Variants in NRG1 observed in about 807,000 individuals in gnomAD.
NRG1 encodes the protein neuregulin 1.
In NRG1, 18 loss-of-function variants were observed where a neutral mutation model predicts 63.8. The ratio of observed to expected loss-of-function variants is 0.28; its 90% confidence interval spans 0.19 to 0.42. The LOEUF (loss-of-function observed/expected upper bound fraction) is 0.42, where lower values mean the gene tolerates loss of function less well. Among genes scored for constraint, NRG1 ranks in the 10% least tolerant of loss-of-function variants. NRG1 has a pLI of 1.00. For missense variants in NRG1, 762 were observed against 814.7 expected (o/e 0.94, Z 0.79); for synonymous variants, 302 against 301.3 (o/e 1.00, Z -0.02).
At chr8:31,918,844 G>T (rs7387809) in intron 1 of NRG1, among the ~76,000 whole-genome samples, 100,499 of 150,954 alleles carry the variant, frequency 0.67, 33,793 homozygotes, top group East Asian at 0.92. Flanking sequence ...GACTCTTTTT[G>T]GTTGGTAAGC....
chr8:31,782,916 G>T (rs974275455), intron 1 of NRG1, among the ~76,000 whole-genome samples: 3 of 152,108 alleles, frequency 2.0e-5, no homozygotes, highest in African/African-American at 7.2e-5. Flanking sequence ...GATTCAAGGG[G>T]TTCACAAAGC....
At chr8:31,918,263 C>T (rs547225249) in intron 1 of NRG1, among the ~76,000 whole-genome samples, 4 of 152,336 alleles carry the variant, frequency 2.6e-5, no homozygotes, top group East Asian at 3.9e-4. Context: ...TGAGAGAGGG[C>T]ATCCCTGTCT....
At chr8:31,796,488 G>A (rs1821238559) in intron 1 of NRG1, among the ~76,000 whole-genome samples, 1 of 121,272 alleles carries the variant, frequency 8.2e-6, no homozygotes, top group African/African-American at 3.1e-5. Flanking sequence ...GCTGGAGTGT[G>A]GTGGCACTAT....
chr8:31,692,036 TTG>T (rs1375417035), intron 1 of NRG1, among the ~76,000 whole-genome samples: 1 of 152,170 alleles, frequency 6.6e-6, no homozygotes, highest in Admixed American at 6.5e-5. Flanking sequence ...TCTTGCTATG[TTG>T]CCCAGGCTGG....
At chr8:31,927,913 A>C (rs1330519024) in intron 1 of NRG1, among the ~76,000 whole-genome samples, 1 of 150,326 alleles carries the variant, frequency 6.7e-6, no homozygotes, top group Non-Finnish European at 1.5e-5. Flanking sequence ...CCTGTGCACA[A>C]CGTGCAGGTT....
At chr8:32,608,102 T>TGG (rs1407165859) in intron 3 of NRG1, among the ~76,000 whole-genome samples, 1 of 116,228 alleles carries the variant, frequency 8.6e-6, no homozygotes, top group African/African-American at 3.7e-5. Flanking sequence ...GTTTTTTTTT[T>TGG]TTTTGTTTTT....
At chr8:31,995,127 T>C (rs960751205) in intron 1 of NRG1, among the ~76,000 whole-genome samples, 9 of 151,976 alleles carry the variant, frequency 5.9e-5, no homozygotes, top group African/African-American at 2.2e-4. Flanking sequence ...CCCCATAGAA[T>C]TTCCTTCCCA....
At chr8:32,693,796 G>A (rs1812519961) in intron 5 of NRG1, among the ~76,000 whole-genome samples, 2 of 152,134 alleles carry the variant, frequency 1.3e-5, no homozygotes, top group Non-Finnish European at 2.9e-5. Context: ...GAACCATTGT[G>A]AAATAAGGAG....
intron 1 of NRG1, among the ~76,000 whole-genome samples, chr8:32,481,861 G>A (rs1016276771): frequency 6.6e-6 from 1 of 152,194 alleles, no homozygotes; most frequent in Non-Finnish European, 1.5e-5. Flanking sequence ...AGTGAATGGT[G>A]CCAGTGTAAG....
At chr8:31,963,042 G>A (rs1244555303) in intron 1 of NRG1, among the ~76,000 whole-genome samples, 1 of 152,192 alleles carries the variant, frequency 6.6e-6, no homozygotes, top group Non-Finnish European at 1.5e-5. Context: ...CCAGTGCCTT[G>A]TAATTTGACT....
intron 1 of NRG1, among the ~76,000 whole-genome samples, chr8:31,946,916 G>C (rs192313900): frequency 6.6e-6 from 1 of 152,316 alleles, no homozygotes; most frequent in East Asian, 1.9e-4. Flanking sequence ...ATGCCATATT[G>C]TTTCTCTGCA....
At chr8:31,688,102 G>A (rs1809092771) in intron 1 of NRG1, among the ~76,000 whole-genome samples, 1 of 152,206 alleles carries the variant, frequency 6.6e-6, no homozygotes, top group African/African-American at 2.4e-5. Flanking sequence ...GTTTATAAAA[G>A]TGGTACAATT....
At chr8:32,018,314 C>G (rs114646779) in intron 1 of NRG1, among the ~76,000 whole-genome samples, 1,676 of 152,300 alleles carry the variant, frequency 0.011, 30 homozygotes, top group African/African-American at 0.038. Flanking sequence ...CTATTCACTT[C>G]CCAAGTGTTC....
chr8:32,561,059 C>T (rs1234247056), intron 1 of NRG1, among the ~76,000 whole-genome samples: 10 of 152,106 alleles, frequency 6.6e-5, no homozygotes, highest in South Asian at 2.1e-4. Flanking sequence ...GTCATCTGCT[C>T]GAATCTCATC....
intron 1 of NRG1, among the ~76,000 whole-genome samples, chr8:32,254,248 C>A (rs1010462129): frequency 2.0e-5 from 3 of 152,058 alleles, no homozygotes; most frequent in African/African-American, 7.2e-5. Flanking sequence ...AATTTGTTTG[C>A]TCTTGCTTCT....
intron 1 of NRG1, among the ~76,000 whole-genome samples, chr8:32,267,235 CTGTAATGTAAAATGA>C (rs1179080493): frequency 1.3e-5 from 2 of 152,140 alleles, no homozygotes; most frequent in Non-Finnish European, 2.9e-5. Context: ...CCATTACACA[CTGTAATGTAAAATGA>C]TGTGTCCCAG....
At chr8:32,627,478 T>G (rs1849501684) in intron 5 of NRG1, among the ~76,000 whole-genome samples, 2 of 152,226 alleles carry the variant, frequency 1.3e-5, no homozygotes, top group African/African-American at 4.8e-5. Flanking sequence ...AAGGTTGCAA[T>G]TTTATTTTTT....
intron 6 of NRG1, among the ~76,000 whole-genome samples, chr8:32,736,311 A>T (rs1449646749): frequency 6.6e-6 from 1 of 152,206 alleles, no homozygotes; most frequent in Non-Finnish European, 1.5e-5. Flanking sequence ...ATAATCTACA[A>T]CACAGATACT....
At chr8:32,694,376 A>G (rs377672601) in intron 5 of NRG1, among the ~76,000 whole-genome samples, 5 of 152,228 alleles carry the variant, frequency 3.3e-5, no homozygotes, top group African/African-American at 9.6e-5. Flanking sequence ...AATGTTCTGT[A>G]TGTAACTCTT....
Sources: gnomAD v4.1 joint callset for allele counts (sites outside exome capture counted in the v4.1 genomes callset) on GRCh38, gnomAD v4.1.1 for gene constraint, MANE v1.5 for transcripts, NCBI Gene and HGNC (gene_info 2026-07-23, HGNC 2026-07-21) for gene names.